ACTR3: variants seen among roughly 807,000 people sequenced by gnomAD.
ACTR3 encodes the protein actin-related protein 3.
In ACTR3, 12 loss-of-function variants were observed where a neutral mutation model predicts 56.8. The ratio of observed to expected loss-of-function variants is 0.21; its 90% CI spans 0.14 to 0.34. The LOEUF is 0.34. Ranked by LOEUF, ACTR3 falls within the 10% of genes least tolerant of loss-of-function variation. The pLI is 1.00. For missense variants in ACTR3, 282 were observed against 512.5 expected (o/e 0.55, Z 4.34); for synonymous variants, 162 against 167.4 (o/e 0.97, Z 0.25).
chr2:113,906,205 A>C (rs1236488177), intron 1 of ACTR3, among the ~76,000 whole-genome samples: 1 of 152,106 alleles, frequency 6.6e-6, no homozygotes, highest in East Asian at 1.9e-4. Flanking sequence ...GGGGTATTTC[A>C]TTCTGGTTTT....
rs570692688 is a variant in ACTR3, at chr2:113,920,871, G to A, written c.225+3863G>A. Among the ~76,000 whole-genome samples, 26 of 152,242 alleles carry A rather than the reference G, an allele frequency of 1.7e-4. No homozygotes were observed. In the South Asian group the frequency reaches 3.3e-3, roughly 19 times the overall value. On this transcript the variant is annotated intron_variant, in intron 3 of 11. Transcript: ENST00000263238. ...TTGTGCATATATACTACACATATCC[G>A]TATGGACACTTAGGTTAATTTCATA...
chr2:113,960,478 T>C lies in ACTR3; in HGVS notation c.*3023T>C, dbSNP rs1214453968. On this transcript the variant is annotated 3_prime_UTR_variant, in exon 12 of 12. Coordinates refer to ENST00000263238, the MANE Select transcript of ACTR3 (RefSeq NM_005721.5). Reference sequence around the variant, plus strand: ...AATTATGATCTTTATTTTTAATTTCTACAGAAAAGTACTAGAGAATATATC... The same window carrying C: ...AATTATGATCTTTATTTTTAATTTCCACAGAAAAGTACTAGAGAATATATC... 1 of 152,036 alleles carries C rather than the reference T, an allele frequency of 6.6e-6. No homozygotes were observed. The highest frequency in any genetic ancestry group is 1.5e-5 in the Non-Finnish European group (1 of 67,918). The allele number at this position is 152,036 out of a possible 1,614,324, so 9.4% of individuals were successfully genotyped here. A position where few individuals can be genotyped will look rare whatever the true frequency, so the allele number is the denominator to read the frequency against.
intron 8 of ACTR3, among the ~76,000 whole-genome samples, chr2:113,945,150 G>A (rs892352966): frequency 6.6e-6 from 1 of 152,152 alleles, no homozygotes; most frequent in African/African-American, 2.4e-5. Context: ...CTAGTATACT[G>A]GAGTGTGAAG....
intron 3 of ACTR3, among the ~76,000 whole-genome samples, chr2:113,924,303 C>T (rs1679576837): frequency 6.6e-6 from 1 of 151,824 alleles, no homozygotes; most frequent in African/African-American, 2.4e-5. Context: ...TCTCAAACTC[C>T]TGGGCTCAAG....
At position 113,958,486 on chromosome 2, in the gene ACTR3, T is replaced by A. The variant is rs538442815; in HGVS notation, c.*1031T>A. 2.4e-4 allele frequency: 37 copies of A among 152,678 alleles called. No individual in the cohort carries two copies. Among genetic ancestry groups the A allele is most frequent in the African/African-American group, 8.7e-4 (36 of 41,580 alleles). The allele number at this position is 152,678 out of a possible 1,614,324, so 9.5% of individuals were successfully genotyped here. A position where few individuals can be genotyped will look rare whatever the true frequency, so the allele number is the denominator to read the frequency against. On this transcript the variant is annotated 3_prime_UTR_variant, in exon 12 of 12. Transcript: ENST00000263238. ...CTCATTTGCAGTCTGAAAATTTTTT[T>A]TAGTGCCAGTCCCTGAACATATCAT...
At chr2:113,902,433 G>A (rs1412727709) in intron 1 of ACTR3, among the ~76,000 whole-genome samples, 1 of 151,388 alleles carries the variant, frequency 6.6e-6, no homozygotes, top group East Asian at 1.9e-4. Flanking sequence ...CTAAACCTCA[G>A]CTACAGGATT....
rs1680237397 is a variant in ACTR3 at position 113,957,465 on chromosome 2, C to T, written c.*10C>T. ...TGGAGTCATGTCGTAAAATTGGCTT[C>T]ATAGTTATTGGGGTTAGGGAGGTGG... On this transcript the variant is annotated 3_prime_UTR_variant, in exon 12 of 12. Coordinates refer to ENST00000263238, the MANE Select transcript of ACTR3 (RefSeq NM_005721.5). 1 of 1,608,002 alleles carries T rather than the reference C, an allele frequency of 6.2e-7. No individual in the cohort carries two copies. The highest frequency in any genetic ancestry group is 1.3e-5 in the African/African-American group (1 of 74,852).
intron 4 of ACTR3, 56 bp from the exon 5 acceptor site, chr2:113,931,245 G>T: frequency 9.1e-7 from 1 of 1,102,550 alleles, no homozygotes; most frequent in Non-Finnish European, 1.3e-6. Context: ...AAATTGTCAA[G>T]AAAGTTATCA....
chr2:113,895,802 C>T (rs955322581), intron 1 of ACTR3, among the ~76,000 whole-genome samples: 4 of 152,172 alleles, frequency 2.6e-5, no homozygotes, highest in African/African-American at 9.7e-5. Flanking sequence ...TACACTTCAA[C>T]CTCTGCAGGT....
intron 1 of ACTR3, among the ~76,000 whole-genome samples, chr2:113,900,974 G>A (rs979722261): frequency 3.3e-5 from 5 of 152,188 alleles, no homozygotes; most frequent in Admixed American, 6.5e-5. Flanking sequence ...AGCTAATATT[G>A]TCTTACTCTA....
chr2:113,928,254 A>T (rs1158185441), intron 4 of ACTR3, among the ~76,000 whole-genome samples: 1 of 152,128 alleles, frequency 6.6e-6, no homozygotes, highest in Admixed American at 6.5e-5. Flanking sequence ...TACTATGGAC[A>T]CTCATACACC....
At chr2:113,913,689 C>T (rs778431450) in intron 2 of ACTR3, among the ~76,000 whole-genome samples, 8 of 152,180 alleles carry the variant, frequency 5.3e-5, no homozygotes, top group Non-Finnish European at 1.2e-4. Flanking sequence ...CACTATCTCA[C>T]CTTTAGAGAT....
At chr2:113,945,417 GTTTAAATGCTAGCCTCC>G (rs1235919689) in intron 8 of ACTR3, among the ~76,000 whole-genome samples, 2 of 152,024 alleles carry the variant, frequency 1.3e-5, no homozygotes, top group Non-Finnish European at 2.9e-5. Context: ...ACTGTTAGTG[GTTTAAATGCTAGCCTCC>G]TTTCAGATTA....
At chr2:113,913,854 G>A (rs936861029) in intron 2 of ACTR3, among the ~76,000 whole-genome samples, 3 of 152,122 alleles carry the variant, frequency 2.0e-5, no homozygotes, top group Non-Finnish European at 1.5e-5. Context: ...GTTAGTGCTC[G>A]TTTGTTAGCA....
chr2:113,909,333 A>G (rs970448096), intron 1 of ACTR3, among the ~76,000 whole-genome samples: 1 of 152,158 alleles, frequency 6.6e-6, no homozygotes, highest in South Asian at 2.1e-4. Context: ...TTCATTGATG[A>G]ATATACTCAG....
upstream of ACTR3, chr2:113,889,940 G>C (rs570168778): frequency 1.9e-6 from 1 of 538,896 alleles, no homozygotes; most frequent in African/African-American, 2.0e-5. Flanking sequence ...GGCCTGGCCG[G>C]GGCGTCGGCA....
chr2:113,933,028 A>T (rs1431758300), intron 5 of ACTR3, among the ~76,000 whole-genome samples: 3 of 152,170 alleles, frequency 2.0e-5, no homozygotes, highest in Non-Finnish European at 4.4e-5. Context: ...TTAGTTTTTT[A>T]AAAAATGAAC....
chr2:113,935,991 G>T (rs1574374282), intron 6 of ACTR3, among the ~76,000 whole-genome samples: 1 of 152,152 alleles, frequency 6.6e-6, no homozygotes, highest in East Asian at 1.9e-4. Flanking sequence ...TTTTAGTAAG[G>T]ACATTAAGAG....
intron 3 of ACTR3, among the ~76,000 whole-genome samples, chr2:113,925,194 CTTTTTT>C (rs771794090): frequency 9.5e-6 from 1 of 105,200 alleles, no homozygotes; most frequent in African/African-American, 3.8e-5. Context: ...ATCGTGCCAC[CTTTTTT>C]TTTTTTTTTT....
Sources: allele counts gnomAD v4.1 joint callset (sites outside exome capture counted in the v4.1 genomes callset), GRCh38; gene constraint gnomAD v4.1.1; transcripts MANE v1.5; gene names NCBI Gene and HGNC (gene_info 2026-07-23, HGNC 2026-07-21).